Variants in BTBD9 observed in about 807,000 individuals in gnomAD.
BTBD9 encodes the protein BTB/POZ domain-containing protein 9.
BTBD9 carries 49 observed loss-of-function variants against 64.3 expected under a neutral mutation model. The ratio of observed to expected loss-of-function variants is 0.76; its 90% CI spans 0.61 to 0.97. The LOEUF is 0.97. Among genes scored for constraint, BTBD9 ranks in the 50% least tolerant of loss-of-function variants. The pLI, the probability that BTBD9 is intolerant of heterozygous loss-of-function variation, is 0.00. For missense variants in BTBD9, 598 were observed against 762.1 expected, an observed-to-expected ratio of 0.78 and a Z score of 2.53; for synonymous variants, 260 against 274.7, an observed-to-expected ratio of 0.95 and a Z score of 0.53.
intron 6 of BTBD9, among the ~76,000 whole-genome samples, chr6:38,414,003 A>T (rs1310716006): frequency 6.6e-6 from 1 of 152,178 alleles, no homozygotes; most frequent in Non-Finnish European, 1.5e-5. Flanking sequence ...TTTCCAGACA[A>T]AGTGACAAGT....
At chr6:38,365,820 T>C (rs1765165529) in intron 6 of BTBD9, among the ~76,000 whole-genome samples, 1 of 150,568 alleles carries the variant, frequency 6.6e-6, no homozygotes, top group Non-Finnish European at 1.5e-5. Context: ...TACCGATAAG[T>C]AACATTTCTG....
At chr6:38,589,895 T>G (rs1776717044) in intron 4 of BTBD9, among the ~76,000 whole-genome samples, 1 of 152,216 alleles carries the variant, frequency 6.6e-6, no homozygotes, top group Non-Finnish European at 1.5e-5. Flanking sequence ...TCCTTCTTCC[T>G]TCTCTACCTT....
At chr6:38,206,157 G>C (rs1325657483) in intron 9 of BTBD9, among the ~76,000 whole-genome samples, 1 of 151,914 alleles carries the variant, frequency 6.6e-6, no homozygotes, top group African/African-American at 2.4e-5. Flanking sequence ...ATTGTGTTGT[G>C]GGGGAAGAAT....
chr6:38,204,422 T>C (rs1762567993), intron 9 of BTBD9, among the ~76,000 whole-genome samples: 1 of 152,188 alleles, frequency 6.6e-6, no homozygotes, highest in Non-Finnish European at 1.5e-5. Context: ...TAATATAATA[T>C]GATGAACCCG....
At position 38,204,327 on chromosome 6, in the gene BTBD9, T is replaced by C. The variant is rs572407467; in HGVS notation, c.1563-11730A>G. Among the ~76,000 whole-genome samples the C allele has an allele frequency of 2.6e-5, 4 of 152,270 alleles. No individual in the cohort carries two copies. The South Asian group carries it at 6.2e-4, about 24-fold the overall frequency. ...AAAGTGGAAACAACCCAAATGTCCA[T>C]CAACTGATGAATGGATAGATAAAAT... On this transcript the variant is annotated intron_variant, in intron 9 of 10. Coordinates refer to ENST00000481247, the MANE Select transcript of BTBD9 (RefSeq NM_001099272.2).
intron 10 of BTBD9, among the ~76,000 whole-genome samples, chr6:38,176,253 G>A (rs990176111): frequency 6.6e-6 from 1 of 152,188 alleles, no homozygotes; most frequent in Non-Finnish European, 1.5e-5. Flanking sequence ...AGTTCACAGA[G>A]ACAAATGTAG....
chr6:38,545,038 C>T (rs551326356), intron 6 of BTBD9, among the ~76,000 whole-genome samples: 2 of 148,652 alleles, frequency 1.3e-5, no homozygotes, highest in East Asian at 4.0e-4. Context: ...CACTGCAGAA[C>T]ATTCAAGAAG....
At chr6:38,455,865 T>C (rs1229884666) in intron 6 of BTBD9, among the ~76,000 whole-genome samples, 1 of 152,148 alleles carries the variant, frequency 6.6e-6, no homozygotes, top group African/African-American at 2.4e-5. Flanking sequence ...TTAGTAGAGA[T>C]GGGGTTTCTT....
rs994367892 is a variant in BTBD9 at position 38,543,181 on chromosome 6, C to T, written c.1154+34419G>A. On this transcript the variant is annotated intron_variant, in intron 6 of 10. Transcript: ENST00000481247. Reference sequence around the variant, plus strand: ...ATCCACATGGGTGACTCTTCCCTGTCATTCAGGTGTTAGCTCAAATATGAC... The same window carrying T: ...ATCCACATGGGTGACTCTTCCCTGTTATTCAGGTGTTAGCTCAAATATGAC... Among the ~76,000 whole-genome samples the T allele has an allele frequency of 6.6e-5, 10 of 152,276 alleles. No homozygotes were observed. The East Asian group carries it at 1.9e-3, about 29-fold the overall frequency.
At chr6:38,347,180 A>G (rs1192367833) in intron 6 of BTBD9, among the ~76,000 whole-genome samples, 1 of 152,058 alleles carries the variant, frequency 6.6e-6, no homozygotes, top group East Asian at 1.9e-4. Context: ...AAAATGTGCA[A>G]CCCTCCCCTC....
At chr6:38,443,515 T>C (rs573793697) in intron 6 of BTBD9, among the ~76,000 whole-genome samples, 1 of 152,338 alleles carries the variant, frequency 6.6e-6, no homozygotes, top group South Asian at 2.1e-4. Flanking sequence ...CATACAGTGC[T>C]ACCACTTCCT....
intron 6 of BTBD9, among the ~76,000 whole-genome samples, chr6:38,431,204 C>T (rs909580641): frequency 2.6e-5 from 4 of 151,814 alleles, no homozygotes; most frequent in African/African-American, 9.7e-5. Context: ...TGATTTCTCT[C>T]CTGAGTTCCA....
chr6:38,216,843 T>G (rs967854320), intron 9 of BTBD9, among the ~76,000 whole-genome samples: 8 of 152,154 alleles, frequency 5.3e-5, no homozygotes, highest in African/African-American at 1.9e-4. Context: ...TGATGCGCTA[T>G]TCCAAGGTTC....
chr6:38,556,523 G>GTT (rs1181649697), intron 6 of BTBD9, among the ~76,000 whole-genome samples: 4 of 45,634 alleles, frequency 8.8e-5, no homozygotes, highest in African/African-American at 6.1e-4. Flanking sequence ...GTGTGTGTGT[G>GTT]TGTGTGTGTG....
intron 7 of BTBD9, among the ~76,000 whole-genome samples, chr6:38,326,048 C>A (rs1763414512): frequency 6.6e-6 from 1 of 152,078 alleles, no homozygotes; most frequent in Non-Finnish European, 1.5e-5. Context: ...TACTAAGAAA[C>A]TTTACCAAGA....
intron 6 of BTBD9, among the ~76,000 whole-genome samples, chr6:38,573,330 A>G (rs1219717592): frequency 6.6e-6 from 1 of 152,196 alleles, no homozygotes; most frequent in Non-Finnish European, 1.5e-5. Flanking sequence ...TATATACATT[A>G]TAACTTTATA....
rs1168394683 is a variant in BTBD9 at position 38,171,579 on chromosome 6, TGTGTGTGTGTGTGTGTGTGTGTGTGA to T, written c.*3380_*3405del. 3.6e-5 allele frequency: 5 copies of T among 138,716 alleles called. No homozygotes were observed. The highest frequency in any genetic ancestry group is 1.1e-4 in the African/African-American group (4 of 35,922). 8.6% of individuals were successfully genotyped at this position (138,716 alleles called of 1,614,324 possible). A position where few individuals can be genotyped will look rare whatever the true frequency, so the allele number is the denominator to read the frequency against. On this transcript the variant is annotated 3_prime_UTR_variant, in exon 11 of 11. Coordinates refer to ENST00000481247, the MANE Select transcript of BTBD9 (RefSeq NM_001099272.2). ...GGGTGTGTGTGTGTGTGTGTGTGTGTGTGTGTGTGTGTGTGTGTGTGTGTGAGAGGGAGAGACGGTGGGGGCGGGGG... is the reference window on the plus strand; with the variant it reads ...GGGTGTGTGTGTGTGTGTGTGTGTGTGAGGGAGAGACGGTGGGGGCGGGGG...
At chr6:38,404,269 A>C (rs1476633939) in intron 6 of BTBD9, among the ~76,000 whole-genome samples, 1 of 152,232 alleles carries the variant, frequency 6.6e-6, no homozygotes, top group Non-Finnish European at 1.5e-5. Context: ...CCGCTAATAT[A>C]AATCCATTCC....
rs577491584 is a variant in BTBD9 at position 38,211,705 on chromosome 6, C to G, written c.1563-19108G>C. Among the ~76,000 whole-genome samples the G allele has an allele frequency of 1.6e-4, 24 of 151,598 alleles. No homozygotes were observed. In the South Asian group the frequency reaches 4.8e-3, roughly 30 times the overall value. On this transcript the variant is annotated intron_variant, in intron 9 of 10. Coordinates refer to ENST00000481247, the MANE Select transcript of BTBD9 (RefSeq NM_001099272.2). ...GTTGCAGTGAGCTGAGATTAAGCCA[C>G]TGCCCTCCAGCCTGGGCAACAGAGC...
Sources: allele counts gnomAD v4.1 joint callset (sites outside exome capture counted in the v4.1 genomes callset), GRCh38; gene constraint gnomAD v4.1.1; transcripts MANE v1.5; gene names NCBI Gene and HGNC (gene_info 2026-07-23, HGNC 2026-07-21).